Variants in ATP6V1E1 observed in about 807,000 individuals in gnomAD.
ATP6V1E1 encodes the protein ATPase H+ transporting V1 subunit E1, also known as V-type proton ATPase subunit E 1.
In ATP6V1E1, 21 loss-of-function variants were observed where a neutral mutation model predicts 35.2. That is an observed-to-expected ratio of 0.60 (90% CI 0.42 to 0.86). The LOEUF is 0.86. Among genes scored for constraint, ATP6V1E1 ranks in the 40% least tolerant of loss-of-function variants. The pLI is 0.00. For synonymous variants in ATP6V1E1, 83 were observed against 87.8 expected, an observed-to-expected ratio of 0.95 and a Z score of 0.30; for missense variants, 183 against 272.6, an observed-to-expected ratio of 0.67 and a Z score of 2.32.
rs1279129174 is a variant in ATP6V1E1, at chr22:17,605,216, AAAAAAAAG to A, written c.277-4043_277-4036del. Among the ~76,000 whole-genome samples the A allele has an allele frequency of 3.4e-4, 50 of 146,178 alleles. 1 individual carries two copies. The highest frequency in any genetic ancestry group is 1.1e-3 in the African/African-American group (43 of 39,092). On this transcript the variant is annotated intron_variant, in intron 4 of 8. Transcript: ENST00000253413. The stretch of plus-strand genomic sequence containing the variant: ...GTGAGACTTCATCTCAAAAAAAAAA[AAAAAAAAG>A]AAAAGAAAAGAAAAGAAAACTTATG...
At position 17,616,074 on chromosome 22, in the gene ATP6V1E1, G is replaced by A. The variant is rs141635126; in HGVS notation, c.100-2754C>T. Among the ~76,000 whole-genome samples, 1,510 of 151,852 alleles carry A rather than the reference G, an allele frequency of 9.9e-3. 21 individuals carry two copies. The highest frequency in any genetic ancestry group is 0.034 in the African/African-American group (1,411 of 41,384). Reference sequence around the variant, plus strand: ...ACAAACAAACAAACAAAAGCCGGGCGTGGTGGCTCACGCCTGTAATCCCAG... The same window carrying A: ...ACAAACAAACAAACAAAAGCCGGGCATGGTGGCTCACGCCTGTAATCCCAG... On this transcript the variant is annotated intron_variant, in intron 2 of 8. Transcript: ENST00000253413.
Position 17,613,253 on chromosome 22 carries a change from T to A in ATP6V1E1, c.167A>T (p.Tyr56Phe), listed in dbSNP as rs2146308778. 6.2e-7 allele frequency: 1 copy of A among 1,613,204 alleles called. No individual in the cohort carries two copies. The highest frequency in any genetic ancestry group is 2.2e-5 in the East Asian group (1 of 44,876). The change falls in exon 3 of 9, where the codon TAT (tyrosine) becomes TTT (phenylalanine). Residue 56 changes from tyrosine to phenylalanine, a missense_variant. Physicochemically the swap from Tyr to Phe is conservative, Grantham distance 22. Transcript: ENST00000253413. ...VQTQRLKIME[Y>F]YEKKEKQIEQ... The stretch of plus-strand genomic sequence containing the variant: ...AATCTGTTTCTCTTTCTTCTCATAA[T>A]ATTCCATAATCTTTAGTCTTTGGGT...
intron 4 of ATP6V1E1, among the ~76,000 whole-genome samples, chr22:17,603,910 C>A (rs191325958): frequency 6.6e-6 from 1 of 152,160 alleles, no homozygotes; most frequent in Non-Finnish European, 1.5e-5. Flanking sequence ...CAGGGATAGA[C>A]AGCCTGAGTA....
chr22:17,621,736 C>T (rs1415855172), intron 1 of ATP6V1E1, among the ~76,000 whole-genome samples: 1 of 152,208 alleles, frequency 6.6e-6, no homozygotes, highest in Non-Finnish European at 1.5e-5. Context: ...TTCAAACATG[C>T]TGTTCCTTCC....
intron 8 of ATP6V1E1, among the ~76,000 whole-genome samples, chr22:17,594,062 T>C (rs1050502193): frequency 6.6e-6 from 1 of 151,824 alleles, no homozygotes; most frequent in African/African-American, 2.4e-5. Context: ...ATTAGCCGGG[T>C]GTGGTGGCAG....
chr22:17,609,110 A>AAAACAAAAC (rs2057801186), intron 4 of ATP6V1E1, among the ~76,000 whole-genome samples: 1 of 140,038 alleles, frequency 7.1e-6, no homozygotes, highest in Admixed American at 6.8e-5. Flanking sequence ...AAAACAAAAC[A>AAAACAAAAC]AAACAAACAA....
chr22:17,624,068 C>T (rs572376125), intron 1 of ATP6V1E1, among the ~76,000 whole-genome samples: 2 of 152,194 alleles, frequency 1.3e-5, no homozygotes, highest in East Asian at 3.9e-4. Flanking sequence ...AGGAAAAAAG[C>T]AAATATACAC....
In ATP6V1E1 at chr22:17,598,296, T is replaced by C; in HGVS notation, c.436-8A>G. Reference sequence around the variant, plus strand: ...TGCCTTCTGCACTGCAGCCTGGAAGTATAGAACACAATGAGAGGTGTCACT... The same window carrying C: ...TGCCTTCTGCACTGCAGCCTGGAAGCATAGAACACAATGAGAGGTGTCACT... On this transcript the variant is annotated splice_region_variant and splice_polypyrimidine_tract_variant and intron_variant, in intron 6 of 8. Transcript: ENST00000253413. 1 of 1,605,550 alleles carries C rather than the reference T, an allele frequency of 6.2e-7. No homozygotes were observed. The highest frequency in any genetic ancestry group is 8.5e-7 in the Non-Finnish European group (1 of 1,172,460).
At chr22:17,599,938 A>G in intron 6 of ATP6V1E1, 89 bp downstream of exon 6, 4 of 984,250 alleles carry the variant, frequency 4.1e-6, no homozygotes, top group Non-Finnish European at 4.5e-6. Context: ...AAAAAAGAAA[A>G]GGAAGGAAGG....
intron 2 of ATP6V1E1, 185 bp downstream of exon 2, chr22:17,619,276 G>C (rs2057863103): frequency 1.7e-6 from 1 of 601,972 alleles, no homozygotes; most frequent in South Asian, 2.0e-5. Flanking sequence ...TGGGCGACAA[G>C]AGTGAAACTC....
intron 2 of ATP6V1E1, among the ~76,000 whole-genome samples, chr22:17,613,828 G>A (rs913496067): frequency 1.3e-5 from 2 of 152,126 alleles, no homozygotes; most frequent in African/African-American, 2.4e-5. Flanking sequence ...TTAGCCAGGC[G>A]CGGTGGCAGG....
intron 8 of ATP6V1E1, 38 bp from the exon 9 acceptor site, chr22:17,592,774 T>C: frequency 1.3e-6 from 2 of 1,518,004 alleles, no homozygotes; most frequent in South Asian, 1.1e-5. Flanking sequence ...CAATGTCAGC[T>C]GAAGAAGTTG....
chr22:17,620,928 G>A (rs764483035), intron 1 of ATP6V1E1, among the ~76,000 whole-genome samples: 1 of 152,100 alleles, frequency 6.6e-6, no homozygotes, highest in African/African-American at 2.4e-5. Flanking sequence ...CCGGCGTGGT[G>A]GCGGGCGCCT....
intron 1 of ATP6V1E1, among the ~76,000 whole-genome samples, chr22:17,625,386 G>A (rs1255193326): frequency 6.6e-6 from 1 of 152,056 alleles, no homozygotes; most frequent in African/African-American, 2.4e-5. Context: ...AGGCTCCCAA[G>A]TTGCTGAGAT....
chr22:17,626,960 G>C (rs1406190424), intron 1 of ATP6V1E1, among the ~76,000 whole-genome samples: 1 of 148,788 alleles, frequency 6.7e-6, no homozygotes, highest in African/African-American at 2.5e-5. Flanking sequence ...ACAGGTGTGA[G>C]CCACCACACC....
intron 2 of ATP6V1E1, among the ~76,000 whole-genome samples, chr22:17,614,761 G>A (rs368530731): frequency 6.6e-5 from 10 of 151,594 alleles, no homozygotes; most frequent in Non-Finnish European, 1.5e-4. Context: ...GAGGTCAGGA[G>A]ATCGAGACCA....
At chr22:17,608,680 G>A (rs1232777436) in intron 4 of ATP6V1E1, among the ~76,000 whole-genome samples, 1 of 152,118 alleles carries the variant, frequency 6.6e-6, no homozygotes, top group Non-Finnish European at 1.5e-5. Context: ...CTCCCACCTT[G>A]GCCTCATAAA....
intron 4 of ATP6V1E1, among the ~76,000 whole-genome samples, chr22:17,605,435 C>G (rs1383471454): frequency 1.3e-5 from 2 of 151,898 alleles, no homozygotes; most frequent in Non-Finnish European, 2.9e-5. Context: ...GAGGCTGAGG[C>G]AGGAGAATCA....
At position 17,624,693 on chromosome 22, in the gene ATP6V1E1, C is replaced by T. The variant is rs113729938; in HGVS notation, c.33+3910G>A. Among the ~76,000 whole-genome samples the T allele has an allele frequency of 2.8e-4, 43 of 152,146 alleles. No homozygotes were observed. The South Asian group carries it at 8.7e-3, about 31-fold the overall frequency. On this transcript the variant is annotated intron_variant, in intron 1 of 8. Transcript: ENST00000253413. ...AAAATTATCCGGGTGTGGTGACATA[C>T]GCCTGTAGTCCCAGCTACTGGAGAG...
Sources: gnomAD v4.1 joint callset for allele counts (sites outside exome capture counted in the v4.1 genomes callset) on GRCh38, gnomAD v4.1.1 for gene constraint, MANE v1.5 for transcripts, NCBI Gene and HGNC (gene_info 2026-07-23, HGNC 2026-07-21) for gene names.